GABRG3: variants seen among roughly 807,000 people sequenced by gnomAD.
GABRG3 encodes the protein gamma-aminobutyric acid receptor subunit gamma-3.
Under a neutral mutation model 48.8 loss-of-function variants are expected in GABRG3, and 25 were observed. The observed-to-expected ratio is 0.51, with a 90% CI of 0.37 to 0.72. The LOEUF is 0.72. GABRG3 is among the 30% of genes least tolerant of loss of function. The pLI, the probability that GABRG3 is intolerant of heterozygous loss-of-function variation, is 0.00. For synonymous variants in GABRG3, 227 were observed against 217.6 expected, an observed-to-expected ratio of 1.04 and a Z score of -0.38; for missense variants, 394 against 577.9, an observed-to-expected ratio of 0.68 and a Z score of 3.26.
intron 3 of GABRG3, among the ~76,000 whole-genome samples, chr15:27,195,133 TTTCTTTC>T (rs1888454805): frequency 1.2e-5 from 1 of 85,952 alleles, no homozygotes; most frequent in African/African-American, 4.4e-5. Context: ...CTTTCAGGAA[TTTCTTTC>T]AAGAGAATGA....
At chr15:27,033,277 A>C (rs1333782057) in intron 3 of GABRG3, among the ~76,000 whole-genome samples, 1 of 151,794 alleles carries the variant, frequency 6.6e-6, no homozygotes, top group African/African-American at 2.4e-5. Flanking sequence ...TACCATGGTG[A>C]GCCTGCTGCC....
chr15:27,453,306 G>A (rs1329631570), intron 5 of GABRG3, among the ~76,000 whole-genome samples: 2 of 152,150 alleles, frequency 1.3e-5, no homozygotes, highest in South Asian at 2.1e-4. Flanking sequence ...ACTCACATAC[G>A]AAGGTAACTA....
chr15:27,012,720 T>TAA (rs1157346982), intron 2 of GABRG3, among the ~76,000 whole-genome samples: 1 of 152,160 alleles, frequency 6.6e-6, no homozygotes, highest in African/African-American at 2.4e-5. Flanking sequence ...CTCATAACTA[T>TAA]AAAAAACAGC....
intron 6 of GABRG3, among the ~76,000 whole-genome samples, chr15:27,484,277 A>G (rs778471493): frequency 1.7e-4 from 26 of 152,148 alleles, no homozygotes; most frequent in Admixed American, 4.6e-4. Context: ...ATCTATATCT[A>G]TCTACCAATT....
intron 3 of GABRG3, among the ~76,000 whole-genome samples, chr15:27,242,004 T>C (rs1566977177): frequency 1.3e-5 from 2 of 152,232 alleles, no homozygotes; most frequent in African/African-American, 4.8e-5. Flanking sequence ...GTTCAGCTGA[T>C]ATGACAGCTT....
chr15:27,386,690 G>A (rs1895932095), intron 5 of GABRG3, among the ~76,000 whole-genome samples: 1 of 152,162 alleles, frequency 6.6e-6, no homozygotes, highest in African/African-American at 2.4e-5. Context: ...TGAATTGGAT[G>A]TGAGCAACCC....
At chr15:27,026,088 T>A (rs1895978464) in intron 2 of GABRG3, among the ~76,000 whole-genome samples, 1 of 152,236 alleles carries the variant, frequency 6.6e-6, no homozygotes, top group South Asian at 2.1e-4. Flanking sequence ...GATCAACCTG[T>A]GATTATATAA....
chr15:27,017,159 G>A (rs1895793721), intron 2 of GABRG3, among the ~76,000 whole-genome samples: 1 of 152,094 alleles, frequency 6.6e-6, no homozygotes, highest in Admixed American at 6.6e-5. Flanking sequence ...TTGTGGTCTG[G>A]TTTCATGCAG....
intron 3 of GABRG3, among the ~76,000 whole-genome samples, chr15:27,089,855 A>G (rs890780121): frequency 5.9e-5 from 9 of 152,254 alleles, no homozygotes; most frequent in Admixed American, 3.3e-4. Context: ...AGGTTCATCC[A>G]TGCTGCACCC....
At chr15:27,266,939 A>C (rs996932887) in intron 3 of GABRG3, among the ~76,000 whole-genome samples, 1 of 152,040 alleles carries the variant, frequency 6.6e-6, no homozygotes, top group Non-Finnish European at 1.5e-5. Flanking sequence ...TCTATGAATA[A>C]CTACACTTGT....
intron 2 of GABRG3, among the ~76,000 whole-genome samples, chr15:27,000,146 C>A (rs1566904733): frequency 6.6e-6 from 1 of 152,040 alleles, no homozygotes; most frequent in African/African-American, 2.4e-5. Flanking sequence ...ATTGATTATT[C>A]TTCTCATTAT....
chr15:27,095,379 T>G (rs1248051909), intron 3 of GABRG3, among the ~76,000 whole-genome samples: 1 of 152,166 alleles, frequency 6.6e-6, no homozygotes, highest in African/African-American at 2.4e-5. Flanking sequence ...GTTCTGGAAA[T>G]CAAGACACAC....
rs1891171409 is a variant in GABRG3, at chr15:27,273,980, A to G, written c.271-52829A>G. Among the ~76,000 whole-genome samples the G allele has an allele frequency of 2.0e-5, 3 of 152,188 alleles. No individual in the cohort carries two copies. The South Asian group carries it at 6.2e-4, about 32-fold the overall frequency. On this transcript the variant is annotated intron_variant, in intron 3 of 9. Transcript: ENST00000615808. ...AGCTCCTTTCTAAAGGTTCAGCTGA[A>G]GGAGGATCTCCTCCCAAGCTTGCGC...
At chr15:27,137,740 G>A (rs544347463) in intron 3 of GABRG3, among the ~76,000 whole-genome samples, 1 of 152,268 alleles carries the variant, frequency 6.6e-6, no homozygotes, top group African/African-American at 2.4e-5. Context: ...TACATCCAAG[G>A]CACATGTGGT....
At chr15:27,530,426 A>T (rs1891395261) in intron 9 of GABRG3, among the ~76,000 whole-genome samples, 2 of 152,208 alleles carry the variant, frequency 1.3e-5, no homozygotes, top group Admixed American at 1.3e-4. Context: ...CAAGTAAAGA[A>T]GTTCTTAAGC....
chr15:27,152,992 C>G (rs1002528716), intron 3 of GABRG3, among the ~76,000 whole-genome samples: 3 of 152,030 alleles, frequency 2.0e-5, no homozygotes, highest in Non-Finnish European at 2.9e-5. Flanking sequence ...TCCTGAGTAG[C>G]TGGGACCACA....
chr15:27,115,484 A>G (rs559415708), intron 3 of GABRG3, among the ~76,000 whole-genome samples: 32 of 152,262 alleles, frequency 2.1e-4, no homozygotes, highest in African/African-American at 7.7e-4. Flanking sequence ...AACAGCAGAT[A>G]CTTCTGCGTT....
At chr15:27,071,336 G>A (rs973304246) in intron 3 of GABRG3, among the ~76,000 whole-genome samples, 14 of 152,122 alleles carry the variant, frequency 9.2e-5, no homozygotes, top group Admixed American at 2.6e-4. Context: ...GAGTCCAGTC[G>A]CCTCGGACAG....
chr15:27,053,730 C>A (rs893724449), intron 3 of GABRG3, among the ~76,000 whole-genome samples: 1 of 152,134 alleles, frequency 6.6e-6, no homozygotes, highest in Non-Finnish European at 1.5e-5. Flanking sequence ...CCAAAGTGCC[C>A]ATAAATGGTG....
Sources: allele counts gnomAD v4.1 joint callset (sites outside exome capture counted in the v4.1 genomes callset), GRCh38; gene constraint gnomAD v4.1.1; transcripts MANE v1.5; gene names NCBI Gene and HGNC (gene_info 2026-07-23, HGNC 2026-07-21).